MARK2: variants seen among roughly 807,000 people sequenced by gnomAD.
MARK2 encodes the protein microtubule affinity regulating kinase 2.
In MARK2, 16 loss-of-function variants were observed where a neutral mutation model predicts 89.8. That is an observed-to-expected ratio of 0.18 (90% confidence interval 0.12 to 0.27). The LOEUF (loss-of-function observed/expected upper bound fraction) is 0.27, where lower values mean the gene tolerates loss of function less well. Ranked by LOEUF, MARK2 falls within the 10% of genes least tolerant of loss-of-function variation. The pLI is 1.00. For synonymous variants in MARK2, 382 were observed against 399.5 expected, an observed-to-expected ratio of 0.96 and a Z score of 0.52; for missense variants, 621 against 1,049.9, an observed-to-expected ratio of 0.59 and a Z score of 5.65.
intron 1 of MARK2, among the ~76,000 whole-genome samples, chr11:63,862,664 CA>C (rs926040614): frequency 1.3e-5 from 2 of 152,178 alleles, no homozygotes; most frequent in African/African-American, 2.4e-5. Context: ...TTCTGATTCA[CA>C]TCTTTATCTT....
chr11:63,854,244 G>A (rs1238378265), intron 1 of MARK2, among the ~76,000 whole-genome samples: 12 of 148,502 alleles, frequency 8.1e-5, no homozygotes, highest in African/African-American at 2.7e-4. Context: ...GTGTCACTTA[G>A]GCTGGAGTGC....
Position 63,899,061 on chromosome 11 carries a change from G to T in MARK2, c.484G>T (p.Ala162Ser). 3 of 1,611,488 alleles carry T rather than the reference G, an allele frequency of 1.9e-6. No homozygotes were observed. The highest frequency in any genetic ancestry group is 2.5e-6 in the Non-Finnish European group (3 of 1,177,960). The change falls in exon 7 of 19, where the codon GCT becomes TCT. Residue 162 changes from alanine (A) to serine (S), a missense_variant. Ala to Ser is a moderately conservative substitution (Grantham distance 99, BLOSUM62 1). Coordinates refer to ENST00000402010, the MANE Select transcript of MARK2 (RefSeq NM_001039469.3). ...ARAKFRQIVS[A>S]VQYCHQKFIV... ...TCTTCCTTCCTTTCAGATAGTGTCTGCTGTGCAGTACTGTCACCAGAAGTT... is the reference window on the plus strand; with the variant it reads ...TCTTCCTTCCTTTCAGATAGTGTCTTCTGTGCAGTACTGTCACCAGAAGTT...
At position 63,900,765 on chromosome 11, in the gene MARK2, C is replaced by T. The variant is rs1438880949; in HGVS notation, c.889-15C>T. The T allele has an allele frequency of 6.2e-7, 1 of 1,614,018 alleles. No homozygotes were observed. The highest frequency in any genetic ancestry group is 8.5e-7 in the Non-Finnish European group (1 of 1,179,854). ...GTTTCTTCCCCCTGCCCTTTTCCTT[C>T]TCTGTGCTCCCCAGCAAATCATGAA... On this transcript the variant is annotated splice_polypyrimidine_tract_variant and intron_variant, in intron 9 of 18. Coordinates refer to ENST00000402010, the MANE Select transcript of MARK2 (RefSeq NM_001039469.3). The surrounding 1 kb of genome is among the most constrained non-coding windows in gnomAD (Gnocchi z 4.7).
At chr11:63,844,913 A>G (rs2016201565) in intron 1 of MARK2, among the ~76,000 whole-genome samples, 1 of 152,140 alleles carries the variant, frequency 6.6e-6, no homozygotes, top group African/African-American at 2.4e-5. Flanking sequence ...GTTCCTACTT[A>G]TGTATTATGT....
chr11:63,846,041 A>T (rs1041862989), intron 1 of MARK2, among the ~76,000 whole-genome samples: 1 of 151,834 alleles, frequency 6.6e-6, no homozygotes, highest in Admixed American at 6.6e-5. Context: ...TATCTTTTAG[A>T]CTGAGATAGT....
intron 11 of MARK2, among the ~76,000 whole-genome samples, chr11:63,901,477 T>TTTTTC (rs1940873750): frequency 7.9e-6 from 1 of 125,990 alleles, no homozygotes. Context: ...CTGTTGCTTT[T>TTTTTC]TTTTTTTTTT....
At position 63,839,474 on chromosome 11, in the gene MARK2, C is replaced by T. The variant is rs2015890675; in HGVS notation, c.-33C>T. ...CTTCCCTTCCCTCCCTTCCTCCAAG[C>T]TTCTCGGTTCCCTCCCCCGAGATAC... On this transcript the variant is annotated 5_prime_UTR_variant, in exon 1 of 19. Coordinates refer to ENST00000402010, the MANE Select transcript of MARK2 (RefSeq NM_001039469.3). The T allele has an allele frequency of 7.0e-7, 1 of 1,438,258 alleles. No homozygotes were observed. The highest frequency in any genetic ancestry group is 1.4e-5 in the African/African-American group (1 of 70,142). The allele number at this position is 1,438,258 out of a possible 1,614,324, so 89.1% of individuals were successfully genotyped here.
At position 63,900,188 on chromosome 11, in the gene MARK2, C is replaced by A; in HGVS notation, c.768+78C>A. Reference sequence around the variant, plus strand: ...TCTTAGCCCTGACCTCCTGCCTTTGCCACCTGTCTACATTTGTCCCAAGCC... The same window carrying A: ...TCTTAGCCCTGACCTCCTGCCTTTGACACCTGTCTACATTTGTCCCAAGCC... On this transcript the variant is annotated intron_variant, in intron 8 of 18. Coordinates refer to ENST00000402010, the MANE Select transcript of MARK2 (RefSeq NM_001039469.3). The surrounding 1 kb of genome is among the most constrained non-coding windows in gnomAD (Gnocchi z 4.7). The A allele has an allele frequency of 1.8e-6, 2 of 1,097,292 alleles. No individual in the cohort carries two copies. The highest frequency in any genetic ancestry group is 2.8e-6 in the Non-Finnish European group (2 of 723,872). 68.0% of individuals were successfully genotyped at this position (1,097,292 alleles called of 1,614,324 possible). A position where few individuals can be genotyped will look rare whatever the true frequency, so the allele number is the denominator to read the frequency against.
At chr11:63,875,248 G>A (rs570366893) in intron 1 of MARK2, among the ~76,000 whole-genome samples, 1 of 151,776 alleles carries the variant, frequency 6.6e-6, no homozygotes, top group Non-Finnish European at 1.5e-5. Flanking sequence ...AGCCTCTTGA[G>A]TACCTGGGAT....
Position 63,890,316 on chromosome 11 carries a change from G to A in MARK2, c.55-4843G>A, listed in dbSNP as rs377510207. ...CAGGGGTAAGTAAGGGAAGGATTGA[G>A]CACTTGGAGTCCTCTGAGTTGGATG... On this transcript the variant is annotated intron_variant, in intron 1 of 18. Transcript: ENST00000402010. The A allele has an allele frequency of 4.5e-6, 6 of 1,324,070 alleles. No individual in the cohort carries two copies. In the African/African-American group the frequency reaches 8.9e-5, roughly 20 times the overall value. The allele number at this position is 1,324,070 out of a possible 1,614,324, so 82.0% of individuals were successfully genotyped here. A position where few individuals can be genotyped will look rare whatever the true frequency, so the allele number is the denominator to read the frequency against.
At chr11:63,905,167 G>A in intron 16 of MARK2, 124 bp downstream of exon 16, 8 of 1,142,124 alleles carry the variant, frequency 7.0e-6, no homozygotes, top group Admixed American at 2.4e-5. Context: ...CCTGGGGTTA[G>A]AAGAGGCTTC....
At chr11:63,862,868 A>G (rs1286656358) in intron 1 of MARK2, among the ~76,000 whole-genome samples, 2 of 27,926 alleles carry the variant, frequency 7.2e-5, no homozygotes, top group African/African-American at 1.4e-4. Context: ...ACTCCCCACC[A>G]AAAAAAACCC....
Position 63,898,643 on chromosome 11 carries a change from C to T in MARK2, c.373C>T (p.Leu125Phe), listed in dbSNP as rs1394829882. The part of the protein sequence containing the change: ...LFEVIETEKT[L>F]YLVMEYASGG... ...TGAAGTGATTGAGACTGAGAAAACG[C>T]TCTACCTTGTCATGGAGTACGCTAG... Residue 125 changes from leucine to phenylalanine, a missense_variant, in exon 5 of 19, where the codon CTC becomes TTC. Around this residue, in one of 5 missense-constraint regions of MARK2, gnomAD observed 82 missense variants for 287.7 expected, o/e 0.29. Coordinates refer to ENST00000402010, the MANE Select transcript of MARK2 (RefSeq NM_001039469.3). 2 of 1,614,064 alleles carry T rather than the reference C, an allele frequency of 1.2e-6. No homozygotes were observed. Among genetic ancestry groups the T allele is most frequent in the Non-Finnish European group, 1.7e-6 (2 of 1,179,982 alleles).
intron 7 of MARK2, among the ~76,000 whole-genome samples, chr11:63,899,599 C>T (rs964333791): frequency 6.6e-6 from 1 of 152,192 alleles, no homozygotes; most frequent in African/African-American, 2.4e-5. Flanking sequence ...ATTTGATTAA[C>T]CTGGGCCTGA....
At chr11:63,890,604 C>A (rs1035976588) in intron 1 of MARK2, among the ~76,000 whole-genome samples, 1 of 152,168 alleles carries the variant, frequency 6.6e-6, no homozygotes, top group Non-Finnish European at 1.5e-5. Context: ...TGGAGGAGAG[C>A]GGGCACTCAA....
intron 1 of MARK2, among the ~76,000 whole-genome samples, chr11:63,867,835 T>C (rs942023033): frequency 6.6e-6 from 1 of 152,156 alleles, no homozygotes; most frequent in African/African-American, 2.4e-5. Context: ...AGATCTCTCT[T>C]AGCCCACTGT....
intron 1 of MARK2, among the ~76,000 whole-genome samples, chr11:63,884,619 A>C (rs1488952815): frequency 1.3e-5 from 2 of 152,246 alleles, no homozygotes; most frequent in Non-Finnish European, 2.9e-5. Flanking sequence ...CCTGCCTCCC[A>C]TCTACAATGG....
chr11:63,906,167 T>C (rs2134230308), intron 17 of MARK2, 53 bp downstream of exon 17: 1 of 1,258,210 alleles, frequency 7.9e-7, no homozygotes, highest in South Asian at 3.6e-5. Flanking sequence ...CTGTGTCCTG[T>C]GTCCTGCCTC....
At chr11:63,880,471 G>A (rs1939021445) in intron 1 of MARK2, among the ~76,000 whole-genome samples, 1 of 152,144 alleles carries the variant, frequency 6.6e-6, no homozygotes, top group Non-Finnish European at 1.5e-5. Flanking sequence ...ATAAATAATT[G>A]TCTCCTAGAT....
Sources: gnomAD v4.1 joint callset for allele counts (sites outside exome capture counted in the v4.1 genomes callset) on GRCh38, gnomAD v4.1.1 for gene constraint, gnomAD v4.1.1 regional missense constraint, Gnocchi (gnomAD v3.1) non-coding constraint, MANE v1.5 for transcripts, NCBI Gene and HGNC (gene_info 2026-07-23, HGNC 2026-07-21) for gene names.